COL11A1: variants seen among roughly 807,000 people sequenced by gnomAD.
The protein encoded by COL11A1 is collagen alpha-1(XI) chain.
A neutral mutation model predicts 265.2 loss-of-function variants in COL11A1; 74 were observed. The ratio of observed to expected loss-of-function variants is 0.28; its 90% CI spans 0.23 to 0.34. The LOEUF is 0.34. COL11A1 is among the 10% of genes least tolerant of loss of function. The probability of loss-of-function intolerance (pLI) is 1.00; values close to 1 mark genes in which losing one functional copy is unlikely to be tolerated. For synonymous variants in COL11A1, 816 were observed against 727.6 expected, an observed-to-expected ratio of 1.12 and a Z score of -1.96; for missense variants, 2,165 against 2,263.6, an observed-to-expected ratio of 0.96 and a Z score of 0.88.
chr1:103,085,393 C>G (rs1289710567), intron 1 of COL11A1, among the ~76,000 whole-genome samples: 1 of 152,156 alleles, frequency 6.6e-6, no homozygotes. Context: ...CTCAACCAGA[C>G]TGGGACCATT....
chr1:103,090,122 A>AAAAT lies in COL11A1; in HGVS notation c.107-7154_107-7151dup, dbSNP rs545742023. On this transcript the variant is annotated intron_variant, in intron 1 of 66. Transcript: ENST00000370096. ...CTGGGACAGAACGAGGCTTTGTCTCAAAATAAATAAATAAATAAATAAATA... is the reference window on the plus strand; with the variant it reads ...CTGGGACAGAACGAGGCTTTGTCTCAAAATAAATAAATAAATAAATAAATAAATA... Among the ~76,000 whole-genome samples, 525 of 151,768 alleles carry AAAAT rather than the reference A, an allele frequency of 3.5e-3. 5 individuals carry two copies. Among genetic ancestry groups the AAAAT allele is most frequent in the African/African-American group, 9.3e-3 (385 of 41,438 alleles).
At position 102,915,753 on chromosome 1, in the gene COL11A1, TTATCA is replaced by T. The variant is rs1186938170; in HGVS notation, c.3763-74_3763-70del. ...CTTTTACATTTATAAAATTCAAATG[TTATCA>T]TATCATTTTAGATTAGCCCTTATTT... On this transcript the variant is annotated intron_variant, in intron 49 of 66. Coordinates refer to ENST00000370096, the MANE Select transcript of COL11A1 (RefSeq NM_001854.4). 3.3e-6 allele frequency: 4 copies of T among 1,227,080 alleles called. No individual in the cohort carries two copies. In the African/African-American group the frequency reaches 6.0e-5, roughly 19 times the overall value. 76.0% of individuals were successfully genotyped at this position (1,227,080 alleles called of 1,614,324 possible). A position where few individuals can be genotyped will look rare whatever the true frequency, so the allele number is the denominator to read the frequency against.
intron 46 of COL11A1, among the ~76,000 whole-genome samples, chr1:102,924,078 G>A (rs1227093643): frequency 4.0e-5 from 6 of 148,574 alleles, no homozygotes; most frequent in African/African-American, 1.3e-4. Context: ...AAAATTAGCC[G>A]GGCGTGGTGG....
intron 28 of COL11A1, among the ~76,000 whole-genome samples, chr1:102,994,340 C>T (rs1289789871): frequency 6.6e-6 from 1 of 152,090 alleles, no homozygotes; most frequent in Non-Finnish European, 1.5e-5. Flanking sequence ...TGGTTTAGCA[C>T]CATCTCCTTG....
chr1:103,018,468 T>G (rs1666739630), intron 10 of COL11A1, among the ~76,000 whole-genome samples: 1 of 152,190 alleles, frequency 6.6e-6, no homozygotes, highest in Admixed American at 6.5e-5. Context: ...ATAAGGCAGC[T>G]GCAGTCTACC....
At chr1:103,023,663 G>A (rs1667286795) in intron 7 of COL11A1, among the ~76,000 whole-genome samples, 1 of 152,024 alleles carries the variant, frequency 6.6e-6, no homozygotes, top group African/African-American at 2.4e-5. Context: ...TGGCAGCTTT[G>A]CCTAATTTTT....
At chr1:103,021,326 G>T (rs1012185968) in intron 9 of COL11A1, among the ~76,000 whole-genome samples, 1 of 151,992 alleles carries the variant, frequency 6.6e-6, no homozygotes, top group Non-Finnish European at 1.5e-5. Context: ...AAGTCATAGA[G>T]ATTAGAGAAA....
Position 102,923,390 on chromosome 1 carries a change from C to T in COL11A1, c.3601-1G>A. 1 of 1,593,016 alleles carries T rather than the reference C, an allele frequency of 6.3e-7. No homozygotes were observed. Among genetic ancestry groups the T allele is most frequent in the Non-Finnish European group, 8.6e-7 (1 of 1,168,270 alleles). On this transcript the variant is annotated splice_acceptor_variant, in intron 46 of 66. Transcript: ENST00000370096. LOFTEE classifies it high-confidence loss of function. Reference sequence around the variant, plus strand: ...TTTCACCAGGTGGGCCTGGCAGACCCTAAGAAAATATAATAGAAAAATAAT... The same window carrying T: ...TTTCACCAGGTGGGCCTGGCAGACCTTAAGAAAATATAATAGAAAAATAAT...
chr1:102,907,360 A>G (rs1570691877), intron 54 of COL11A1, among the ~76,000 whole-genome samples: 1 of 152,202 alleles, frequency 6.6e-6, no homozygotes, highest in African/African-American at 2.4e-5. Context: ...CAACTAATGT[A>G]CTATCTCATA....
Position 103,078,646 on chromosome 1 carries a change from T to A in COL11A1, c.488+12A>T. The A allele has an allele frequency of 6.2e-7, 1 of 1,610,142 alleles. No homozygotes were observed. The highest frequency in any genetic ancestry group is 1.1e-5 in the South Asian group (1 of 91,002). ...TGGCATAGCTAAAACATTGTATTAT[T>A]TTGTTACTTACTTCCCGTCAGCGAT... On this transcript the variant is annotated intron_variant, in intron 3 of 66. Transcript: ENST00000370096.
intron 38 of COL11A1, among the ~76,000 whole-genome samples, chr1:102,964,000 G>T (rs976747683): frequency 2.0e-5 from 3 of 151,802 alleles, no homozygotes; most frequent in Admixed American, 6.6e-5. Context: ...TAGGCTGTTG[G>T]TTTTTTTTCT....
intron 7 of COL11A1, among the ~76,000 whole-genome samples, chr1:103,023,762 A>G (rs1667294573): frequency 6.6e-6 from 1 of 152,200 alleles, no homozygotes; most frequent in Non-Finnish European, 1.5e-5. Context: ...AAATAATAAT[A>G]TGCCAATATC....
chr1:102,879,619 G>T, intron 66 of COL11A1, 64 bp downstream of exon 66: 1 of 1,447,196 alleles, frequency 6.9e-7, no homozygotes, highest in South Asian at 1.1e-5. Flanking sequence ...GCTAAGGACC[G>T]ACTGAAACGG....
At chr1:102,891,663 C>G (rs1196360424) in intron 57 of COL11A1, among the ~76,000 whole-genome samples, 1 of 149,920 alleles carries the variant, frequency 6.7e-6, no homozygotes, top group Non-Finnish European at 1.5e-5. Flanking sequence ...CCGCTTGAAC[C>G]TAGGAATTTG....
chr1:103,015,939 G>A (rs999192432), intron 11 of COL11A1, among the ~76,000 whole-genome samples, 197 bp from the exon 12 acceptor site: 2 of 151,690 alleles, frequency 1.3e-5, no homozygotes, highest in African/African-American at 4.8e-5. Flanking sequence ...AATAATGTTC[G>A]GTTATTAATA....
Position 102,917,198 on chromosome 1 carries a change from C to A in COL11A1, c.3763-1514G>T, listed in dbSNP as rs570571430. Among the ~76,000 whole-genome samples, 26 of 151,828 alleles carry A rather than the reference C, an allele frequency of 1.7e-4. 1 individual carries two copies. The highest frequency in any genetic ancestry group is 7.4e-5 in the Non-Finnish European group (5 of 67,718). On this transcript the variant is annotated intron_variant, in intron 49 of 66. Transcript: ENST00000370096. ...AGTAACTAAAAAAGCATATTTACAG[C>A]AAACTAATCTTTGACAAAGTTGACA...
intron 15 of COL11A1, among the ~76,000 whole-genome samples, chr1:103,007,342 AC>A (rs1208347210): frequency 4.6e-5 from 7 of 152,184 alleles, no homozygotes; most frequent in Admixed American, 1.3e-4. Flanking sequence ...GGATCGATAT[AC>A]ATATTTTAAA....
chr1:103,073,338 T>C (rs1671724453), intron 4 of COL11A1, among the ~76,000 whole-genome samples: 1 of 151,898 alleles, frequency 6.6e-6, no homozygotes, highest in Non-Finnish European at 1.5e-5. Context: ...AATTTATTCA[T>C]AATTCACATG....
At chr1:103,040,057 G>C (rs1393947835) in intron 4 of COL11A1, among the ~76,000 whole-genome samples, 1 of 151,590 alleles carries the variant, frequency 6.6e-6, no homozygotes, top group Non-Finnish European at 1.5e-5. Flanking sequence ...ATTTAAAGAG[G>C]ACAAATTTTT....
Sources: gnomAD v4.1 joint callset for allele counts (sites outside exome capture counted in the v4.1 genomes callset) on GRCh38, gnomAD v4.1.1 for gene constraint, MANE v1.5 for transcripts, NCBI Gene and HGNC (gene_info 2026-07-23, HGNC 2026-07-21) for gene names.